POU6F2: variants seen among roughly 807,000 people sequenced by gnomAD.
POU6F2 encodes the protein POU class 6 homeobox 2.
A neutral mutation model predicts 71.3 loss-of-function variants in POU6F2; 31 were observed. That is an observed-to-expected ratio of 0.43 (90% CI 0.33 to 0.59). POU6F2 has a LOEUF of 0.59. Among genes scored for constraint, POU6F2 ranks in the 20% least tolerant of loss-of-function variants. The pLI, the probability that POU6F2 is intolerant of heterozygous loss-of-function variation, is 0.04. For missense variants in POU6F2, 783 were observed against 856.8 expected, an observed-to-expected ratio of 0.91 and a Z score of 1.07; for synonymous variants, 347 against 355.7, an observed-to-expected ratio of 0.98 and a Z score of 0.27.
rs1478487429 is a variant in POU6F2 at position 39,168,128 on chromosome 7, A to G, written c.278-36107A>G. Among the ~76,000 whole-genome samples the G allele has an allele frequency of 1.3e-5, 2 of 152,362 alleles. 1 individual carries two copies. The highest frequency in any genetic ancestry group is 1.3e-4 in the Admixed American group (2 of 15,308). ...AATACAATTTATTAGATCTTATAAGAGATTTTTTTTGTCTTGGAAAAAACA... is the reference window on the plus strand; with the variant it reads ...AATACAATTTATTAGATCTTATAAGGGATTTTTTTTGTCTTGGAAAAAACA... On this transcript the variant is annotated intron_variant, in intron 2 of 9. Transcript: ENST00000518318.
At chr7:39,198,547 C>T (rs1050045937) in intron 2 of POU6F2, among the ~76,000 whole-genome samples, 2 of 152,190 alleles carry the variant, frequency 1.3e-5, no homozygotes, top group African/African-American at 4.8e-5. Flanking sequence ...ATCAGACAGT[C>T]TTGGTTCTCC....
At chr7:39,223,869 A>C (rs900802890) in intron 4 of POU6F2, among the ~76,000 whole-genome samples, 1 of 152,206 alleles carries the variant, frequency 6.6e-6, no homozygotes, top group Non-Finnish European at 1.5e-5. Flanking sequence ...TTTGTAGTTA[A>C]AGCCTTCAAG....
rs184105468 is a variant in POU6F2 at position 39,332,755 on chromosome 7, A to G, written c.599-6887A>G. Among the ~76,000 whole-genome samples, 964 of 152,240 alleles carry G rather than the reference A, an allele frequency of 6.3e-3. 4 individuals are homozygous for G. Among genetic ancestry groups the G allele is most frequent in the Non-Finnish European group, 9.9e-3 (675 of 68,016 alleles). ...AAGATCTTTATCTTTGGTGTCCTGC[A>G]GTTTCATGGGGGAATAGTCTAGGTG... On this transcript the variant is annotated intron_variant, in intron 4 of 9. Coordinates refer to ENST00000518318, the MANE Select transcript of POU6F2 (RefSeq NM_001370959.1).
At chr7:39,055,017 G>T (rs1466696963) in intron 1 of POU6F2, among the ~76,000 whole-genome samples, 1 of 152,104 alleles carries the variant, frequency 6.6e-6, no homozygotes, top group Non-Finnish European at 1.5e-5. Flanking sequence ...GATCATGTTT[G>T]CTATTTAAAA....
chr7:39,384,346 A>G (rs1265612390), intron 5 of POU6F2, among the ~76,000 whole-genome samples: 1 of 152,200 alleles, frequency 6.6e-6, no homozygotes, highest in Non-Finnish European at 1.5e-5. Context: ...GTTAAAAACT[A>G]TATAAAGTTT....
chr7:39,216,199 T>C (rs976421537), intron 4 of POU6F2, among the ~76,000 whole-genome samples: 3 of 152,186 alleles, frequency 2.0e-5, no homozygotes, highest in African/African-American at 7.2e-5. Context: ...CAAGGCGCTG[T>C]GTCCAACAGT....
chr7:39,055,223 G>A (rs1790482592), intron 1 of POU6F2, among the ~76,000 whole-genome samples: 2 of 152,108 alleles, frequency 1.3e-5, no homozygotes, highest in South Asian at 4.1e-4. Flanking sequence ...ATGTCAGTGT[G>A]TGACTCTTGA....
chr7:39,396,745 G>A (rs2115853807), intron 5 of POU6F2, among the ~76,000 whole-genome samples: 1 of 152,178 alleles, frequency 6.6e-6, no homozygotes, highest in Non-Finnish European at 1.5e-5. Context: ...TTGTGCCTAG[G>A]GGCACATAGA....
intron 4 of POU6F2, among the ~76,000 whole-genome samples, chr7:39,339,077 AT>A (rs3072124): frequency 6.4e-5 from 9 of 139,836 alleles, no homozygotes; most frequent in South Asian, 2.3e-4. Context: ...CTGCTTTTGA[AT>A]TTTTAAAAAA....
intron 4 of POU6F2, among the ~76,000 whole-genome samples, chr7:39,299,641 C>T (rs368214968): frequency 6.6e-6 from 1 of 152,118 alleles, no homozygotes; most frequent in Non-Finnish European, 1.5e-5. Context: ...ATCTAAAAAT[C>T]GTGAGAACTA....
At chr7:39,120,927 C>T (rs914990782) in intron 2 of POU6F2, 1 of 152,160 alleles carries the variant, frequency 6.6e-6, no homozygotes, top group African/African-American at 2.4e-5. Flanking sequence ...TTCTTGGTGG[C>T]TCTTTCTAGT....
At chr7:39,378,390 G>A (rs2237407) in intron 5 of POU6F2, among the ~76,000 whole-genome samples, 6 of 151,858 alleles carry the variant, frequency 4.0e-5, no homozygotes, top group Admixed American at 1.3e-4. Context: ...CTCCAATCCC[G>A]TCTACAGACT....
At chr7:39,162,014 G>T (rs1793008099) in intron 2 of POU6F2, among the ~76,000 whole-genome samples, 1 of 152,172 alleles carries the variant, frequency 6.6e-6, no homozygotes, top group South Asian at 2.1e-4. Context: ...TGCTTTGGAT[G>T]TATTTTTCTA....
intron 4 of POU6F2, among the ~76,000 whole-genome samples, chr7:39,304,214 C>T (rs1785008867): frequency 6.6e-6 from 1 of 152,096 alleles, no homozygotes; most frequent in South Asian, 2.1e-4. Context: ...CTGTGAAGTA[C>T]CTTTAATATA....
chr7:39,338,169 T>C (rs1031927667), intron 4 of POU6F2, among the ~76,000 whole-genome samples: 1 of 152,142 alleles, frequency 6.6e-6, no homozygotes, highest in African/African-American at 2.4e-5. Flanking sequence ...AGTCTGGAAC[T>C]CCACCAGAAG....
chr7:38,999,455 A>G (rs1788835862), intron 1 of POU6F2, among the ~76,000 whole-genome samples: 2 of 152,150 alleles, frequency 1.3e-5, no homozygotes, highest in African/African-American at 4.8e-5. Flanking sequence ...AATAACTTGT[A>G]CCCCTCAAGC....
chr7:39,074,262 T>C (rs943828776), intron 1 of POU6F2, among the ~76,000 whole-genome samples: 3 of 152,088 alleles, frequency 2.0e-5, no homozygotes, highest in African/African-American at 7.2e-5. Context: ...GGCGGGTGGA[T>C]CACCTGAGGT....
intron 3 of POU6F2, among the ~76,000 whole-genome samples, chr7:39,206,472 A>G (rs962904270): frequency 6.6e-6 from 1 of 152,038 alleles, no homozygotes; most frequent in East Asian, 1.9e-4. Context: ...ATTTTCAAAG[A>G]TTTTAAGTTT....
intron 4 of POU6F2, among the ~76,000 whole-genome samples, chr7:39,320,756 C>T (rs933144181): frequency 2.0e-5 from 3 of 152,084 alleles, no homozygotes; most frequent in East Asian, 1.9e-4. Context: ...AAGGGGTTAA[C>T]GACAACAACA....
Sources: allele counts gnomAD v4.1 joint callset (sites outside exome capture counted in the v4.1 genomes callset), GRCh38; gene constraint gnomAD v4.1.1; transcripts MANE v1.5; gene names NCBI Gene and HGNC (gene_info 2026-07-23, HGNC 2026-07-21).